Variants in SLC1A3 observed in about 807,000 individuals in gnomAD.
SLC1A3 encodes the protein excitatory amino acid transporter 1.
A neutral mutation model predicts 48.1 loss-of-function variants in SLC1A3; 21 were observed. That is an observed-to-expected ratio of 0.44 (90% confidence interval 0.31 to 0.63). The LOEUF is 0.63. SLC1A3 is among the 20% of genes least tolerant of loss of function. The pLI, the probability that SLC1A3 is intolerant of heterozygous loss-of-function variation, is 0.08. For synonymous variants in SLC1A3, 239 were observed against 251.4 expected (o/e 0.95, Z 0.47); for missense variants, 546 against 689.0 (o/e 0.79, Z 2.32).
At chr5:36,611,456 G>A (rs1739194622) in intron 2 of SLC1A3, among the ~76,000 whole-genome samples, 2 of 151,404 alleles carry the variant, frequency 1.3e-5, no homozygotes, top group Admixed American at 6.6e-5. Context: ...TCAAAATAAA[G>A]CAGAAAATTA....
chr5:36,633,727 A>T (rs914652300), intron 3 of SLC1A3, among the ~76,000 whole-genome samples: 7 of 152,210 alleles, frequency 4.6e-5, no homozygotes, highest in African/African-American at 1.2e-4. Flanking sequence ...TCTGATTTTC[A>T]TGACACAGCA....
At chr5:36,649,925 CTG>C (rs1740993020) in intron 3 of SLC1A3, among the ~76,000 whole-genome samples, 1 of 152,232 alleles carries the variant, frequency 6.6e-6, no homozygotes, top group East Asian at 1.9e-4. Context: ...TTGAAAATCA[CTG>C]TGTGAGTTTT....
intron 3 of SLC1A3, among the ~76,000 whole-genome samples, chr5:36,662,407 G>A (rs1473729866): frequency 6.6e-6 from 1 of 152,166 alleles, no homozygotes; most frequent in Non-Finnish European, 1.5e-5. Flanking sequence ...TCATTCCTTT[G>A]TGCTCGGCTG....
chr5:36,630,269 A>G (rs2111759315), intron 3 of SLC1A3: 1 of 153,054 alleles, frequency 6.5e-6, no homozygotes, highest in South Asian at 2.1e-4. Flanking sequence ...TCTATGTTCT[A>G]TGACAATGAG....
At chr5:36,680,718 G>A (rs1036115593) in intron 8 of SLC1A3, 129 bp downstream of exon 8, 14 of 769,764 alleles carry the variant, frequency 1.8e-5, no homozygotes, top group Non-Finnish European at 3.0e-5. Context: ...AGGAGTTCAA[G>A]ACTAGCCTGG....
intron 3 of SLC1A3, among the ~76,000 whole-genome samples, chr5:36,656,372 CT>C (rs2111867639): frequency 6.6e-6 from 1 of 152,286 alleles, no homozygotes; most frequent in East Asian, 1.9e-4. Context: ...CATGTAACCC[CT>C]GATGTGGTAT....
chr5:36,629,532 G>A lies in SLC1A3; in HGVS notation c.264G>A (p.Leu88=). Residue 88 remains leucine, a synonymous_variant, in exon 3 of 10, where the codon CTG becomes CTA. Transcript: ENST00000265113. ...VKYFSFPGEL[L]MRMLQMLVLP... ...ACTTCTCCTTTCCTGGGGAACTTCT[G>A]ATGAGGATGTTACAGATGCTGGTCT... is the stretch of plus-strand genomic sequence containing the variant. 6.2e-7 allele frequency: 1 copy of A among 1,611,698 alleles called. No homozygotes were observed. Among genetic ancestry groups the A allele is most frequent in the Non-Finnish European group, 8.5e-7 (1 of 1,179,114 alleles).
chr5:36,624,510 A>C (rs1000598998), intron 2 of SLC1A3, among the ~76,000 whole-genome samples: 1 of 152,164 alleles, frequency 6.6e-6, no homozygotes, highest in Admixed American at 6.5e-5. Flanking sequence ...TGCCCTCTCA[A>C]TGACTCTGAT....
chr5:36,622,946 A>G lies in SLC1A3; in HGVS notation c.182-6504A>G, dbSNP rs961008433. Among the ~76,000 whole-genome samples the G allele has an allele frequency of 4.1e-5, 6 of 147,454 alleles. No individual in the cohort carries two copies. The South Asian group carries it at 1.3e-3, about 32-fold the overall frequency. ...AGAATGGCTTGAACCTGGGAGGCGG[A>G]GCTTGCAGTGAGCCGAGATCGCACC... On this transcript the variant is annotated intron_variant, in intron 2 of 9. Transcript: ENST00000265113.
intron 8 of SLC1A3, among the ~76,000 whole-genome samples, chr5:36,680,915 CAA>C (rs10710837): frequency 0.089 from 7,534 of 84,756 alleles, 519 homozygotes; most frequent in African/African-American, 0.18. Flanking sequence ...GACTCCATCT[CAA>C]AAAAAAAAAA....
intron 3 of SLC1A3, among the ~76,000 whole-genome samples, chr5:36,641,723 A>G (rs555876680): frequency 1.8e-4 from 28 of 152,324 alleles, no homozygotes; most frequent in African/African-American, 6.3e-4. Flanking sequence ...AGATAGTTTT[A>G]GAGCCAGACA....
At chr5:36,679,545 CT>C in intron 6 of SLC1A3, 81 bp from the exon 7 acceptor site, 2 of 1,018,336 alleles carry the variant, frequency 2.0e-6, no homozygotes, top group Non-Finnish European at 1.6e-6. Context: ...TCTCTTTTCC[CT>C]TTTTCTTATC....
rs554934515 is a variant in SLC1A3 at position 36,652,266 on chromosome 5, T to A, written c.320-18763T>A. On this transcript the variant is annotated intron_variant, in intron 3 of 9. Transcript: ENST00000265113. ...TGCTTCCCTGACAGGCATTTCCAGA[T>A]GTGAGGAAAGATTTATTTTGGCACT... 5.3e-5 allele frequency among the ~76,000 whole-genome samples: 8 copies of A among 152,264 alleles called. No individual in the cohort carries two copies. In the South Asian group the frequency reaches 1.7e-3, roughly 32 times the overall value.
intron 3 of SLC1A3, among the ~76,000 whole-genome samples, chr5:36,663,079 C>G (rs1580010840): frequency 6.6e-6 from 1 of 152,336 alleles, no homozygotes; most frequent in East Asian, 1.9e-4. Context: ...TCCTATCAGA[C>G]CGAGGATACA....
chr5:36,684,147 C>A, intron 9 of SLC1A3, 149 bp downstream of exon 9: 4 of 1,036,086 alleles, frequency 3.9e-6, no homozygotes, highest in Non-Finnish European at 5.9e-6. Context: ...TTGTCTGACC[C>A]CTGGTCCTTA....
intron 3 of SLC1A3, among the ~76,000 whole-genome samples, chr5:36,649,141 C>T (rs1364022490): frequency 2.0e-5 from 3 of 151,784 alleles, no homozygotes; most frequent in East Asian, 1.9e-4. Flanking sequence ...ATTGGGAGTT[C>T]GAGACCAGCT....
chr5:36,608,224 T>G, intron 1 of SLC1A3, 105 bp from the exon 2 acceptor site: 1 of 577,984 alleles, frequency 1.7e-6, no homozygotes, highest in Non-Finnish European at 3.1e-6. Context: ...AGTCCTTGAT[T>G]CCTGCTGAGA....
Position 36,609,595 on chromosome 5 carries a change from T to C in SLC1A3, c.181+991T>C, listed in dbSNP as rs991039383. 2.0e-5 allele frequency among the ~76,000 whole-genome samples: 3 copies of C among 152,224 alleles called. 1 individual carries two copies. Among genetic ancestry groups the C allele is most frequent in the African/African-American group, 7.2e-5 (3 of 41,452 alleles). On this transcript the variant is annotated intron_variant, in intron 2 of 9. Transcript: ENST00000265113. ...TTCTGTAGTGTGTAAATATAACTTT[T>C]TTCAAGAAAATTGAATTCTTAAATT...
intron 8 of SLC1A3, among the ~76,000 whole-genome samples, chr5:36,681,030 T>A (rs1156539967): frequency 6.6e-6 from 1 of 152,178 alleles, no homozygotes; most frequent in Non-Finnish European, 1.5e-5. Flanking sequence ...ATTTAGGTAT[T>A]TTAATTGGTT....
Sources: allele counts gnomAD v4.1 joint callset (sites outside exome capture counted in the v4.1 genomes callset), GRCh38; gene constraint gnomAD v4.1.1; transcripts MANE v1.5; gene names NCBI Gene and HGNC (gene_info 2026-07-23, HGNC 2026-07-21).